Variants in NLRC3 observed in about 807,000 individuals in gnomAD.
The protein encoded by NLRC3 is NLR family CARD domain containing 3.
NLRC3 carries 87 observed loss-of-function variants against 91.6 expected under a neutral mutation model. That is an observed-to-expected ratio of 0.95 (90% CI 0.80 to 1.14). NLRC3 has a LOEUF of 1.14. Among genes scored for constraint, NLRC3 ranks in the 50% most tolerant of loss-of-function variants. NLRC3 has a pLI of 0.00. For missense variants in NLRC3, 1,577 were observed against 1,418.6 expected, an observed-to-expected ratio of 1.11 and a Z score of -1.79; for synonymous variants, 694 against 625.3, an observed-to-expected ratio of 1.11 and a Z score of -1.64.
At chr16:3,562,868 T>G in intron 5 of NLRC3, 141 bp downstream of exon 5, 1 of 806,608 alleles carries the variant, frequency 1.2e-6, no homozygotes, top group Non-Finnish European at 2.1e-6. Context: ...CACACTTTAG[T>G]TGTTTTAAGC....
At chr16:3,542,609 C>T in intron 18 of NLRC3, 83 bp downstream of exon 18, 1 of 778,692 alleles carries the variant, frequency 1.3e-6, no homozygotes, top group Non-Finnish European at 2.2e-6. Context: ...CAGAAGAAAT[C>T]AGGAGCATTT....
In NLRC3 at chr16:3,548,661, CAG is replaced by C. The variant is rs1567127101; in HGVS notation, c.2687+7_2687+8del. 6 of 1,561,930 alleles carry C rather than the reference CAG, an allele frequency of 3.8e-6. No individual in the cohort carries two copies. The highest frequency in any genetic ancestry group is 5.2e-6 in the Non-Finnish European group (6 of 1,148,266). On this transcript the variant is annotated splice_region_variant and intron_variant, in intron 14 of 19. Transcript: ENST00000359128. The stretch of plus-strand genomic sequence containing the variant: ...GGGAACAGAGCAGGGTGGAGAGCTG[CAG>C]ACTCACTGAAGGGAGGTGAGGGTGC...
intron 8 of NLRC3, 57 bp from the exon 9 acceptor site, chr16:3,554,382 C>G (rs959542839): frequency 2.2e-6 from 3 of 1,353,266 alleles, no homozygotes; most frequent in African/African-American, 2.9e-5. Context: ...ACCCAGGGGT[C>G]TGAACTCTCT....
chr16:3,543,651 A>G, intron 16 of NLRC3, 143 bp from the exon 17 acceptor site: 1 of 643,364 alleles, frequency 1.6e-6, no homozygotes, highest in South Asian at 1.7e-5. Context: ...GTGTCTAGGC[A>G]CTCCATCTCC....
chr16:3,574,576 A>T (rs1196842650), intron 1 of NLRC3, among the ~76,000 whole-genome samples: 2 of 152,128 alleles, frequency 1.3e-5, no homozygotes, highest in African/African-American at 2.4e-5. Flanking sequence ...TTAGTCTCTC[A>T]GTATTGGGAG....
At chr16:3,560,343 A>T (rs2039548648) in intron 6 of NLRC3, among the ~76,000 whole-genome samples, 1 of 152,052 alleles carries the variant, frequency 6.6e-6, no homozygotes, top group South Asian at 2.1e-4. Context: ...GAATTGCTTG[A>T]ACCCGGGAGG....
chr16:3,547,642 G>A (rs753467160), intron 15 of NLRC3, among the ~76,000 whole-genome samples: 1 of 151,650 alleles, frequency 6.6e-6, no homozygotes, highest in Non-Finnish European at 1.5e-5. Flanking sequence ...GTGTGTATAT[G>A]TGTGTGTGTG....
In NLRC3 at chr16:3,569,756, C is replaced by T. The variant is rs78372690; in HGVS notation, c.-168-2432G>A. Among the ~76,000 whole-genome samples the T allele has an allele frequency of 4.4e-3, 663 of 152,216 alleles. 3 individuals carry two copies. The highest frequency in any genetic ancestry group is 0.015 in the African/African-American group (629 of 41,520). ...CCACATTGGCCAGGCCTACCCCTTCCTTGGAGCAATAAGGTTGTTGCAGGC... is the reference window on the plus strand; with the variant it reads ...CCACATTGGCCAGGCCTACCCCTTCTTTGGAGCAATAAGGTTGTTGCAGGC... On this transcript the variant is annotated intron_variant, in intron 1 of 19. Transcript: ENST00000359128.
chr16:3,572,546 C>A lies in NLRC3; in HGVS notation c.-169+4603G>T, dbSNP rs992327753. 3.9e-5 allele frequency among the ~76,000 whole-genome samples: 6 copies of A among 152,262 alleles called. No individual in the cohort carries two copies. In the South Asian group the frequency reaches 1.0e-3, roughly 26 times the overall value. Reference sequence around the variant, plus strand: ...CAAGCAATCTTCCCACCTTGGCCTCCCAAAGTGCTGGAATTATTGGCATGA... The same window carrying A: ...CAAGCAATCTTCCCACCTTGGCCTCACAAAGTGCTGGAATTATTGGCATGA... On this transcript the variant is annotated intron_variant, in intron 1 of 19. Transcript: ENST00000359128.
chr16:3,543,048 G>C (rs1043096377), intron 17 of NLRC3: 1 of 515,922 alleles, frequency 1.9e-6, no homozygotes, highest in African/African-American at 1.9e-5. Flanking sequence ...AGACAGGAGA[G>C]GCAGCCCTCC....
At chr16:3,558,173 C>A (rs2039438782) in intron 6 of NLRC3, among the ~76,000 whole-genome samples, 1 of 151,850 alleles carries the variant, frequency 6.6e-6, no homozygotes, top group African/African-American at 2.4e-5. Context: ...GAGATCTTGT[C>A]TCCACGAAAA....
chr16:3,554,402 G>C, intron 8 of NLRC3, 77 bp from the exon 9 acceptor site: 1 of 1,081,246 alleles, frequency 9.2e-7, no homozygotes, highest in African/African-American at 1.5e-5. Context: ...TCTGCAGTGG[G>C]GGCACCTCTG....
intron 1 of NLRC3, among the ~76,000 whole-genome samples, chr16:3,575,309 C>T (rs545524878): frequency 6.6e-6 from 1 of 152,342 alleles, no homozygotes; most frequent in South Asian, 2.1e-4. Context: ...GCACGCAGCC[C>T]TAACATCCCC....
rs1398687265 is a variant in NLRC3, at chr16:3,563,499, T to C, written c.1438A>G (p.Thr480Ala). The change falls in exon 5 of 20, where the codon ACT becomes GCT. Residue 480 changes from threonine to alanine, a missense_variant. Transcript: ENST00000359128. ...ASRRAIFDLF[T>A]ESGVSWPRLG... ...CTGGGCCAGGATACGCCGCTCTCAGTGAAGAGGTCGAAGATGGCCCTCCTG... is the reference window on the plus strand; with the variant it reads ...CTGGGCCAGGATACGCCGCTCTCAGCGAAGAGGTCGAAGATGGCCCTCCTG... 1 of 1,597,868 alleles carries C rather than the reference T, an allele frequency of 6.3e-7. No individual in the cohort carries two copies. The highest frequency in any genetic ancestry group is 1.7e-5 in the Admixed American group (1 of 57,714).
chr16:3,574,319 C>T (rs899690597), intron 1 of NLRC3, among the ~76,000 whole-genome samples: 4 of 151,962 alleles, frequency 2.6e-5, no homozygotes, highest in Admixed American at 1.3e-4. Context: ...AAATAACCAA[C>T]GCTCGGCCTG....
At position 3,563,906 on chromosome 16, in the gene NLRC3, C is replaced by T. The variant is rs757793717; in HGVS notation, c.1031G>A (p.Arg344His). The change falls in exon 5 of 20, where the codon CGC (arginine) becomes CAC (histidine). Residue 344 changes from arginine (R) to histidine (H), a missense_variant. Physicochemically the swap from Arg to His is conservative, Grantham distance 29. Transcript: ENST00000359128. ...TGCATCCTGGGGCCCCGTCCTGCTGCGCCACAGGTGGCCTAGCGCCATCCC... is the reference window on the plus strand; with the variant it reads ...TGCATCCTGGGGCCCCGTCCTGCTGTGCCACAGGTGGCCTAGCGCCATCCC... ...LTGMALGHLW[R>H]SRTGPQDAEL... 28 of 1,593,618 alleles carry T rather than the reference C, an allele frequency of 1.8e-5. No homozygotes were observed. Among genetic ancestry groups the T allele is most frequent in the Middle Eastern group, 3.4e-4 (2 of 5,930 alleles).
At chr16:3,577,082 T>G in intron 1 of NLRC3, 67 bp downstream of exon 1, 1 of 702,910 alleles carries the variant, frequency 1.4e-6, no homozygotes, top group Non-Finnish European at 2.6e-6. Flanking sequence ...TTAAGGCCAC[T>G]GTCCTTCCTG....
chr16:3,552,770 T>G (rs908088000), intron 9 of NLRC3, among the ~76,000 whole-genome samples: 17 of 151,954 alleles, frequency 1.1e-4, no homozygotes, highest in Non-Finnish European at 7.4e-5. Context: ...TGAAACTCCG[T>G]CTCTACTAAA....
chr16:3,551,363 C>T lies in NLRC3; in HGVS notation c.2351+833G>A, dbSNP rs150511469. On this transcript the variant is annotated intron_variant, in intron 10 of 19. Coordinates refer to ENST00000359128, the MANE Select transcript of NLRC3 (RefSeq NM_178844.4). ...ATCCATTCAACCATCCATCCATTCA[C>T]GTACCCATCCACCTATCCACCCATC... is the stretch of plus-strand genomic sequence containing the variant. Among the ~76,000 whole-genome samples the T allele has an allele frequency of 3.4e-3, 507 of 147,838 alleles. 13 individuals are homozygous for T. Among genetic ancestry groups the T allele is most frequent in the Admixed American group, 0.025 (377 of 14,816 alleles).
Sources: gnomAD v4.1 joint callset for allele counts (sites outside exome capture counted in the v4.1 genomes callset) on GRCh38, gnomAD v4.1.1 for gene constraint, MANE v1.5 for transcripts, NCBI Gene and HGNC (gene_info 2026-07-23, HGNC 2026-07-21) for gene names.